Variants in NPAS3 observed in about 807,000 individuals in gnomAD.
NPAS3 encodes neuronal PAS domain-containing protein 3.
A neutral mutation model predicts 73.1 loss-of-function variants in NPAS3; 14 were observed. The observed-to-expected ratio is 0.19, with a 90% CI of 0.13 to 0.30. The LOEUF is 0.30. Among genes scored for constraint, NPAS3 ranks in the 10% least tolerant of loss-of-function variants. NPAS3 has a pLI of 1.00. For synonymous variants in NPAS3, 620 were observed against 541.5 expected (o/e 1.14, Z -2.01); for missense variants, 1,096 against 1,250.0 (o/e 0.88, Z 1.86).
chr14:33,498,926 CAGAG>C (rs146814243), intron 4 of NPAS3, among the ~76,000 whole-genome samples: 8,069 of 112,976 alleles, frequency 0.071, 405 homozygotes, highest in African/African-American at 0.1. Flanking sequence ...GAGAGAGAGA[CAGAG>C]AGAGAGTGTG....
At chr14:33,132,422 CTT>C (rs2043674145) in intron 2 of NPAS3, among the ~76,000 whole-genome samples, 1 of 152,014 alleles carries the variant, frequency 6.6e-6, no homozygotes, top group Non-Finnish European at 1.5e-5. Context: ...GACTAGAAGT[CTT>C]ATATTTTAAA....
At chr14:33,406,004 T>A (rs2047649603) in intron 4 of NPAS3, among the ~76,000 whole-genome samples, 1 of 152,114 alleles carries the variant, frequency 6.6e-6, no homozygotes, top group African/African-American at 2.4e-5. Flanking sequence ...ACAAGAGATC[T>A]CATAGTCTGC....
chr14:33,598,251 G>C (rs539923549), intron 5 of NPAS3, among the ~76,000 whole-genome samples: 1 of 152,266 alleles, frequency 6.6e-6, no homozygotes, highest in East Asian at 1.9e-4. Flanking sequence ...AACTAATGCT[G>C]ACATTCCAGT....
At chr14:33,383,349 G>A (rs551366215) in intron 4 of NPAS3, among the ~76,000 whole-genome samples, 2 of 152,210 alleles carry the variant, frequency 1.3e-5, no homozygotes, top group African/African-American at 4.8e-5. Flanking sequence ...ACTGATTGAT[G>A]GTTAATTGTC....
rs17099818 is a variant in NPAS3, at chr14:32,995,182, G to A, written c.50+55816G>A. 5.1e-3 allele frequency among the ~76,000 whole-genome samples: 775 copies of A among 152,252 alleles called. 10 individuals carry two copies. Among genetic ancestry groups the A allele is most frequent in the African/African-American group, 0.018 (738 of 41,548 alleles). On this transcript the variant is annotated intron_variant, in intron 1 of 11. Coordinates refer to ENST00000356141, the Ensembl canonical transcript of NPAS3. ...TGATGACCCATTGGACATCTTTAGTGGATAATTCAGCTCTTCCAAATCAGC... is the reference window on the plus strand; with the variant it reads ...TGATGACCCATTGGACATCTTTAGTAGATAATTCAGCTCTTCCAAATCAGC...
chr14:33,536,232 G>C (rs929254443), intron 4 of NPAS3, among the ~76,000 whole-genome samples: 4 of 152,180 alleles, frequency 2.6e-5, no homozygotes, highest in African/African-American at 7.2e-5. Flanking sequence ...ATACATCTCT[G>C]TTGAGGTTAT....
At chr14:33,689,720 T>C (rs1023076086) in intron 6 of NPAS3, among the ~76,000 whole-genome samples, 2 of 152,322 alleles carry the variant, frequency 1.3e-5, no homozygotes, top group East Asian at 3.9e-4. Context: ...CTAACCTCTA[T>C]AATATACAAT....
intron 2 of NPAS3, among the ~76,000 whole-genome samples, chr14:33,099,102 G>A (rs559319622): frequency 6.6e-6 from 1 of 152,276 alleles, no homozygotes; most frequent in African/African-American, 2.4e-5. Flanking sequence ...GATCCTCAAG[G>A]TGTACATAGA....
intron 5 of NPAS3, among the ~76,000 whole-genome samples, chr14:33,593,436 A>G (rs2057137156): frequency 6.6e-6 from 1 of 152,182 alleles, no homozygotes; most frequent in African/African-American, 2.4e-5. Flanking sequence ...AAGAGAGTAA[A>G]AGCACTAGAG....
At chr14:33,289,896 C>T (rs989986024) in intron 3 of NPAS3, among the ~76,000 whole-genome samples, 5 of 151,972 alleles carry the variant, frequency 3.3e-5, no homozygotes, top group African/African-American at 9.7e-5. Context: ...GTTGGTATTT[C>T]CCATCAAAAT....
At chr14:33,359,668 A>G (rs2045502064) in intron 3 of NPAS3, among the ~76,000 whole-genome samples, 1 of 152,218 alleles carries the variant, frequency 6.6e-6, no homozygotes, top group South Asian at 2.1e-4. Context: ...TAACTGCTCA[A>G]AAAAAATTTT....
At chr14:33,465,105 CCAAA>C (rs2050447973) in intron 4 of NPAS3, among the ~76,000 whole-genome samples, 2 of 152,000 alleles carry the variant, frequency 1.3e-5, no homozygotes, top group Admixed American at 1.3e-4. Context: ...TGATCAATAA[CCAAA>C]CAAATTATGT....
intron 5 of NPAS3, among the ~76,000 whole-genome samples, chr14:33,649,127 A>G (rs930564983): frequency 2.0e-5 from 3 of 152,198 alleles, no homozygotes; most frequent in South Asian, 2.1e-4. Context: ...ACAATGCCCT[A>G]TAGGTTATGT....
chr14:33,284,017 C>G (rs1213026825), intron 3 of NPAS3, among the ~76,000 whole-genome samples: 1 of 152,150 alleles, frequency 6.6e-6, no homozygotes, highest in Non-Finnish European at 1.5e-5. Flanking sequence ...AATTCACCAT[C>G]CTTTTTCTCC....
intron 4 of NPAS3, among the ~76,000 whole-genome samples, chr14:33,397,762 A>G (rs2047284603): frequency 6.6e-6 from 1 of 152,106 alleles, no homozygotes; most frequent in Admixed American, 6.6e-5. Context: ...CCGAATTCAA[A>G]TCCAGCTGTG....
chr14:33,139,945 T>A (rs2043983582), intron 2 of NPAS3, among the ~76,000 whole-genome samples: 1 of 151,470 alleles, frequency 6.6e-6, no homozygotes, highest in African/African-American at 2.4e-5. Context: ...CCTGCATGAT[T>A]TTTTTTTTCA....
chr14:33,524,377 A>G (rs1037681610), intron 4 of NPAS3, among the ~76,000 whole-genome samples: 1 of 152,180 alleles, frequency 6.6e-6, no homozygotes, highest in African/African-American at 2.4e-5. Flanking sequence ...GTCCCTCTCT[A>G]TAGCAGACAC....
intron 1 of NPAS3, among the ~76,000 whole-genome samples, chr14:32,981,748 G>A (rs538493813): frequency 5.8e-4 from 88 of 152,282 alleles, no homozygotes; most frequent in Admixed American, 5.5e-3. Context: ...TTGGGGTGGT[G>A]TGGAGCGGGG....
chr14:33,220,342 C>T (rs1010618296), intron 3 of NPAS3, among the ~76,000 whole-genome samples: 7 of 152,030 alleles, frequency 4.6e-5, no homozygotes, highest in Non-Finnish European at 7.4e-5. Context: ...TGCCAGTGTT[C>T]GTTGTTGTTT....
Sources: allele counts gnomAD v4.1 joint callset (sites outside exome capture counted in the v4.1 genomes callset), GRCh38; gene constraint gnomAD v4.1.1; transcripts MANE v1.5; gene names NCBI Gene and HGNC (gene_info 2026-07-23, HGNC 2026-07-21).